The following RP1L1 variants were observed in gnomAD, a reference collection of about 807,000 sequenced individuals.
The protein encoded by RP1L1 is RP1 like 1, also known as retinitis pigmentosa 1-like 1 protein.
Under a neutral mutation model 15.7 loss-of-function variants are expected in RP1L1, and 27 were observed. The ratio of observed to expected loss-of-function variants is 1.72; its 90% CI spans 1.27 to 2.38. RP1L1 has a LOEUF of 2.38. Among genes scored for constraint, RP1L1 ranks in the 30% most tolerant of loss-of-function variants. The pLI is 0.00. For synonymous variants in RP1L1, 1,813 were observed against 1,276.7 expected, an observed-to-expected ratio of 1.42 and a Z score of -8.96; for missense variants, 4,798 against 3,075.9, an observed-to-expected ratio of 1.56 and a Z score of -13.24.
intron 2 of RP1L1, among the ~76,000 whole-genome samples, chr8:10,620,150 C>CA (rs1319272716): frequency 3.3e-5 from 5 of 152,158 alleles, no homozygotes; most frequent in Non-Finnish European, 5.9e-5. Flanking sequence ...TCCATCCCAG[C>CA]AGTTTTGGTG....
At chr8:10,648,227 T>C (rs773762050) in intron 1 of RP1L1, among the ~76,000 whole-genome samples, 4 of 152,132 alleles carry the variant, frequency 2.6e-5, no homozygotes, top group Non-Finnish European at 4.4e-5. Flanking sequence ...AGATGGGATT[T>C]CACTACATAG....
In RP1L1 at chr8:10,650,912, A is replaced by G. The variant is rs142099653; in HGVS notation, c.-20+3986T>C. Among the ~76,000 whole-genome samples, 8 of 152,336 alleles carry G rather than the reference A, an allele frequency of 5.3e-5. No individual in the cohort carries two copies. The East Asian group carries it at 1.3e-3, about 26-fold the overall frequency. On this transcript the variant is annotated intron_variant, in intron 1 of 3. Coordinates refer to ENST00000382483, the MANE Select transcript of RP1L1 (RefSeq NM_178857.6). Reference sequence around the variant, plus strand: ...TTCGCAAAGTGTTTTTATGTAGAACATCTTACTTAATCTTTGTTAAAATTG... The same window carrying G: ...TTCGCAAAGTGTTTTTATGTAGAACGTCTTACTTAATCTTTGTTAAAATTG...
Position 10,606,924 on chromosome 8 carries a change from C to T in RP1L1, c.7174G>A (p.Gly2392Ser), listed in dbSNP as rs766412108. 14 of 1,614,120 alleles carry T rather than the reference C, an allele frequency of 8.7e-6. No individual in the cohort carries two copies. Among genetic ancestry groups the T allele is most frequent in the African/African-American group, 1.3e-5 (1 of 74,956 alleles). Residue 2392 changes from glycine (G) to serine (S), a missense_variant, in exon 4 of 4, where the codon GGC (glycine) becomes AGC (serine). Physicochemically the swap from Gly to Ser is moderately conservative, Grantham distance 56. Transcript: ENST00000382483. ...AAATCTAAGTCATCTTGGCCAAAGCCGTCTGCCCTGCCCACTGCCTCAGTG... is the reference window on the plus strand; with the variant it reads ...AAATCTAAGTCATCTTGGCCAAAGCTGTCTGCCCTGCCCACTGCCTCAGTG... The part of the protein sequence containing the change: ...APTEAVGRAD[G>S]FGQDDLDF
rs1797872280 is a variant in RP1L1, at chr8:10,612,107, TG to T, written c.1990del (p.His664IlefsTer19). 6.2e-7 allele frequency: 1 copy of T among 1,613,660 alleles called. No homozygotes were observed. On this transcript the variant is annotated frameshift_variant, in exon 4 of 4. Transcript: ENST00000382483. LOFTEE classifies it low-confidence loss of function (END_TRUNC). ...PGLGRVAPRG[H>X]PRHSHYRKDT... ...CTTGCGGTAGTGAGAATGCCTGGGA[TG>T]GCCTCTCGGGGCCACTCGGCCAAGG... is the stretch of plus-strand genomic sequence containing the variant.
intron 1 of RP1L1, among the ~76,000 whole-genome samples, chr8:10,647,653 C>G (rs1404165227): frequency 6.6e-6 from 1 of 152,214 alleles, no homozygotes; most frequent in East Asian, 1.9e-4. Flanking sequence ...CAACGTGTTG[C>G]AGCATGAGTC....
rs1797887464 is a variant in RP1L1, at chr8:10,612,656, T to C, written c.1442A>G (p.Asp481Gly). Residue 481 changes from aspartate (D) to glycine (G), a missense_variant, in exon 4 of 4, where the codon GAC (aspartate) becomes GGC (glycine). Asp to Gly is a moderately conservative substitution (Grantham distance 94). Coordinates refer to ENST00000382483, the MANE Select transcript of RP1L1 (RefSeq NM_178857.6). ...TATCTGGGCAGAGGGGCTGGCACTG[T>C]CCACCCCGTCCTCCGGGGTCCTGGG... ...CCPRTPEDGV[D>G]SASPSAQIGA... 1 of 1,600,996 alleles carries C rather than the reference T, an allele frequency of 6.2e-7. No homozygotes were observed.
chr8:10,612,701 T>C lies in RP1L1; in HGVS notation c.1397A>G (p.Glu466Gly). The C allele has an allele frequency of 6.2e-7, 1 of 1,603,666 alleles. No homozygotes were observed. ...ASSTGLPEGS[E>G]PESSCCPRTP... ...CCTGGGGCAGCAGGAGGACTCTGGC[T>C]CCGAGCCCTCGGGGAGGCCGGTGCT... is the stretch of plus-strand genomic sequence containing the variant. The change falls in exon 4 of 4, where the codon GAG becomes GGG. Residue 466 changes from glutamate to glycine, a missense_variant. Physicochemically the swap from Glu to Gly is moderately conservative, Grantham distance 98. Coordinates refer to ENST00000382483, the MANE Select transcript of RP1L1 (RefSeq NM_178857.6).
At position 10,610,492 on chromosome 8, in the gene RP1L1, G is replaced by A. The variant is rs764190692; in HGVS notation, c.3606C>T (p.Asp1202=). ...NFTPTSSSGV[D]ISSGSGGSGE... The stretch of plus-strand genomic sequence containing the variant: ...CTGAGCCTCCAGAGCCGCTGCTGAT[G>A]TCCACACCAGAGGAGGATGTGGGCG... Residue 1202 remains aspartate (D), a synonymous_variant, in exon 4 of 4, where the codon GAC becomes GAT. Transcript: ENST00000382483. 2 of 1,613,676 alleles carry A rather than the reference G, an allele frequency of 1.2e-6. No homozygotes were observed. Among genetic ancestry groups the A allele is most frequent in the African/African-American group, 2.7e-5 (2 of 74,904 alleles).
rs879855368 is a variant in RP1L1 at position 10,631,201 on chromosome 8, A to AC, written c.-19-7982_-19-7981insG. ...GTTGTCATGGCAACAGCACCTGCAAAAACACACACACACACACACACAAAC... is the reference window on the plus strand; with the variant it reads ...GTTGTCATGGCAACAGCACCTGCAAACAACACACACACACACACACACAAAC... On this transcript the variant is annotated intron_variant, in intron 1 of 3. Transcript: ENST00000382483. 1.3e-3 allele frequency among the ~76,000 whole-genome samples: 76 copies of AC among 57,800 alleles called. No individual in the cohort carries two copies. The East Asian group carries it at 0.046, about 35-fold the overall frequency. 37.9% of individuals were successfully genotyped at this position (57,800 alleles called of 152,430 possible).
Position 10,608,622 on chromosome 8 carries a change from G to A in RP1L1, c.5476C>T (p.Pro1826Ser). 1.2e-6 allele frequency: 2 copies of A among 1,614,118 alleles called. No homozygotes were observed. The highest frequency in any genetic ancestry group is 1.7e-6 in the Non-Finnish European group (2 of 1,180,012). Residue 1826 changes from proline (P) to serine (S), a missense_variant, in exon 4 of 4, where the codon CCA becomes TCA. Coordinates refer to ENST00000382483, the MANE Select transcript of RP1L1 (RefSeq NM_178857.6). ...GEAAAGGDQD[P>S]GQSDGAEGIE... Reference sequence around the variant, plus strand: ...CCTTCGGCCCCATCACTCTGTCCTGGATCTTGGTCACCTCCTGCCGCAGCT... The same window carrying A: ...CCTTCGGCCCCATCACTCTGTCCTGAATCTTGGTCACCTCCTGCCGCAGCT...
At chr8:10,618,123 C>G (rs905170244) in intron 2 of RP1L1, among the ~76,000 whole-genome samples, 3 of 152,310 alleles carry the variant, frequency 2.0e-5, no homozygotes, top group Admixed American at 6.5e-5. Flanking sequence ...GATGTTGGCT[C>G]TCTCATTGGC....
Position 10,623,221 on chromosome 8 carries a change from C to A in RP1L1, c.-19-1G>T, listed in dbSNP as rs754939028. Reference sequence around the variant, plus strand: ...GTTCATGGTGTGGGGGCTCTGGCCGCTGTAACAGGGCAGAGGAAGAGGGGT... The same window carrying A: ...GTTCATGGTGTGGGGGCTCTGGCCGATGTAACAGGGCAGAGGAAGAGGGGT... On this transcript the variant is annotated splice_acceptor_variant, in intron 1 of 3. Transcript: ENST00000382483. LOFTEE classifies it low-confidence loss of function (5UTR_SPLICE). The A allele has an allele frequency of 9.8e-6, 15 of 1,530,228 alleles. No homozygotes were observed. In the East Asian group the frequency reaches 3.4e-4, roughly 35 times the overall value. 94.8% of individuals were successfully genotyped at this position (1,530,228 alleles called of 1,614,324 possible).
Position 10,608,756 on chromosome 8 carries a change from G to C in RP1L1, c.5342C>G (p.Thr1781Ser), listed in dbSNP as rs1049612586. The change falls in exon 4 of 4, where the codon ACC becomes AGC. Residue 1781 changes from threonine to serine, a missense_variant. Transcript: ENST00000382483. ...TTCCCCCAACTCACTGCCCGCACTG[G>C]TTTCACTGTTGTGGGTTTTCCCTTC... ...EREGKTHNSETSAGSELGEAE... is the reference protein window; with the variant it reads ...EREGKTHNSESSAGSELGEAE... The C allele has an allele frequency of 5.0e-6, 8 of 1,614,052 alleles. No individual in the cohort carries two copies. The African/African-American group carries it at 9.3e-5, about 19-fold the overall frequency.
chr8:10,610,360 G>A lies in RP1L1; in HGVS notation c.3738C>T (p.Ser1246=), dbSNP rs909135556. ...NQRPDSRTYE[S]PGDLENQQQC... is the part of the protein sequence containing the mutation. ...GCTGTTGGTTTTCCAGATCCCCTGG[G>A]CTCTCATAAGTTCTTGAATCAGGCC... is the stretch of plus-strand genomic sequence containing the variant. The change falls in exon 4 of 4, where the codon AGC becomes AGT. Residue 1246 remains serine (S), a synonymous_variant. Transcript: ENST00000382483. 5 of 1,614,020 alleles carry A rather than the reference G, an allele frequency of 3.1e-6. No homozygotes were observed. In the African/African-American group the frequency reaches 4.0e-5, roughly 13 times the overall value.
At chr8:10,616,719 C>G in intron 2 of RP1L1, 132 bp from the exon 3 acceptor site, 2 of 1,069,214 alleles carry the variant, frequency 1.9e-6, no homozygotes, top group East Asian at 2.6e-5. Context: ...GACTCCTGGT[C>G]CAAGGAGGGG....
At position 10,607,200 on chromosome 8, in the gene RP1L1, A is replaced by C; in HGVS notation, c.6898T>G (p.Ser2300Ala). The C allele has an allele frequency of 6.2e-7, 1 of 1,614,124 alleles. No homozygotes were observed. The change falls in exon 4 of 4, where the codon TCC becomes GCC. Residue 2300 changes from serine to alanine, a missense_variant. Coordinates refer to ENST00000382483, the MANE Select transcript of RP1L1 (RefSeq NM_178857.6). ...QRPGSQTGPS[S>A]SRASSWGNCW... Reference sequence around the variant, plus strand: ...TTGCCCCAAGAGGATGCTCTGGAGGAGGAAGGGCCTGTTTGGGAGCCTGGC... The same window carrying C: ...TTGCCCCAAGAGGATGCTCTGGAGGCGGAAGGGCCTGTTTGGGAGCCTGGC...
chr8:10,619,301 G>A (rs557597655), intron 2 of RP1L1, among the ~76,000 whole-genome samples: 1 of 152,338 alleles, frequency 6.6e-6, no homozygotes, highest in Admixed American at 6.5e-5. Flanking sequence ...CGAAGCACAG[G>A]CCATCTTCCT....
intron 1 of RP1L1, among the ~76,000 whole-genome samples, chr8:10,649,037 C>A (rs762977735): frequency 1.3e-5 from 2 of 152,206 alleles, no homozygotes; most frequent in African/African-American, 4.8e-5. Flanking sequence ...GGAGCTGCAG[C>A]GCCATGCCTG....
rs1250164960 is a variant in RP1L1 at position 10,612,383 on chromosome 8, C to G, written c.1715G>C (p.Gly572Ala). 1.2e-6 allele frequency: 2 copies of G among 1,612,772 alleles called. No individual in the cohort carries two copies. The highest frequency in any genetic ancestry group is 1.7e-6 in the Non-Finnish European group (2 of 1,180,038). Reference protein sequence around the residue: ...ETSQQEASEGGDPASPALSLS... With the variant: ...ETSQQEASEGADPASPALSLS... ...ACTCAGGGCTGGAGAAGCGGGGTCGCCTCCCTCGCTGGCCTCCTGCTGAGA... is the reference window on the plus strand; with the variant it reads ...ACTCAGGGCTGGAGAAGCGGGGTCGGCTCCCTCGCTGGCCTCCTGCTGAGA... The change falls in exon 4 of 4, where the codon GGC becomes GCC. Residue 572 changes from glycine to alanine, a missense_variant. Physicochemically the swap from Gly to Ala is moderately conservative, Grantham distance 60. Coordinates refer to ENST00000382483, the MANE Select transcript of RP1L1 (RefSeq NM_178857.6).
Sources: allele counts gnomAD v4.1 joint callset (sites outside exome capture counted in the v4.1 genomes callset), GRCh38; gene constraint gnomAD v4.1.1; transcripts MANE v1.5; gene names NCBI Gene and HGNC (gene_info 2026-07-23, HGNC 2026-07-21).